The following SEMA4D variants were observed in gnomAD, a reference collection of about 807,000 sequenced individuals.
The protein encoded by SEMA4D is semaphorin-4D.
Under a neutral mutation model 74.8 loss-of-function variants are expected in SEMA4D, and 22 were observed. The observed-to-expected ratio is 0.29, with a 90% confidence interval of 0.21 to 0.42. The LOEUF is 0.42. Ranked by LOEUF, SEMA4D falls within the 10% of genes least tolerant of loss-of-function variation. SEMA4D has a pLI of 1.00. For synonymous variants in SEMA4D, 445 were observed against 463.7 expected (o/e 0.96, Z 0.52); for missense variants, 937 against 1,118.4 (o/e 0.84, Z 2.31).
intron 2 of SEMA4D, among the ~76,000 whole-genome samples, chr9:89,428,524 C>T (rs1032554156): frequency 6.6e-6 from 1 of 152,176 alleles, no homozygotes; most frequent in African/African-American, 2.4e-5. Flanking sequence ...AACTCAGAAC[C>T]ACGAGGAACC....
chr9:89,399,020 T>G (rs1472296930), intron 5 of SEMA4D, among the ~76,000 whole-genome samples: 2 of 152,224 alleles, frequency 1.3e-5, no homozygotes, highest in African/African-American at 4.8e-5. Context: ...TCTGAATACA[T>G]TCAATTCATA....
chr9:89,492,033 G>A lies in SEMA4D; in HGVS notation c.-310+5886C>T, dbSNP rs1825670981. ...TTCAGGATGCAACCCTTCCAAGCGGGCCTCCCTCAGCCCTATCTGCCCATG... is the reference window on the plus strand; with the variant it reads ...TTCAGGATGCAACCCTTCCAAGCGGACCTCCCTCAGCCCTATCTGCCCATG... On this transcript the variant is annotated intron_variant, in intron 1 of 15. Coordinates refer to ENST00000422704, the MANE Select transcript of SEMA4D (RefSeq NM_001371194.2). This position sits in a 1 kb window ranked among gnomAD's most constrained non-coding sequence, Gnocchi z 4.3. Among the ~76,000 whole-genome samples the A allele has an allele frequency of 6.6e-6, 1 of 152,194 alleles. No homozygotes were observed. The highest frequency in any genetic ancestry group is 3.4e-3 in the Middle Eastern group (1 of 294).
At chr9:89,466,599 G>T (rs1858780510) in intron 1 of SEMA4D, among the ~76,000 whole-genome samples, 1 of 151,550 alleles carries the variant, frequency 6.6e-6, no homozygotes, top group Non-Finnish European at 1.5e-5. Flanking sequence ...TGTGCACAAG[G>T]TCATGCTCCA....
chr9:89,485,817 A>G (rs1256482819), intron 1 of SEMA4D, among the ~76,000 whole-genome samples: 1 of 106,514 alleles, frequency 9.4e-6, no homozygotes, highest in Non-Finnish European at 2.5e-5. Context: ...AAAAAAAAGA[A>G]AAAAAAAAAA....
intron 2 of SEMA4D, among the ~76,000 whole-genome samples, chr9:89,437,615 T>A (rs116527249): frequency 6.6e-6 from 1 of 152,114 alleles, no homozygotes; most frequent in Non-Finnish European, 1.5e-5. Context: ...CACCTGCCCA[T>A]GTGTGCCAGC....
Position 89,405,378 on chromosome 9 carries a change from T to C in SEMA4D, c.79A>G (p.Ile27Val), listed in dbSNP as rs757041346. The change falls in exon 3 of 16, where the codon ATA becomes GTA. Residue 27 changes from isoleucine to valine, a missense_variant. By Grantham distance (29) the Ile-to-Val change is conservative. Transcript: ENST00000422704. ...CTGTGCTCCCAGGTGATCCGGGGTA[T>C]GGGTGCAAATGCCATCGCTGTCCCA... ...MFGTAMAFAP[I>V]PRITWEHREV... 3.7e-6 allele frequency: 6 copies of C among 1,614,070 alleles called. No homozygotes were observed. Among genetic ancestry groups the C allele is most frequent in the Non-Finnish European group, 4.2e-6 (5 of 1,179,946 alleles).
At chr9:89,438,916 C>T (rs549862347) in intron 2 of SEMA4D, among the ~76,000 whole-genome samples, 42 of 146,778 alleles carry the variant, frequency 2.9e-4, no homozygotes, top group Middle Eastern at 7.4e-3. Context: ...CCACCCGCCT[C>T]GGCCTCCCAA....
At chr9:89,459,296 T>G (rs1856709933) in intron 1 of SEMA4D, among the ~76,000 whole-genome samples, 3 of 152,214 alleles carry the variant, frequency 2.0e-5, no homozygotes, top group Non-Finnish European at 4.4e-5. Flanking sequence ...CAGGTGATGT[T>G]GCTGTAGTTC....
chr9:89,419,167 G>A (rs1007566946), intron 2 of SEMA4D, among the ~76,000 whole-genome samples: 3 of 152,154 alleles, frequency 2.0e-5, no homozygotes, highest in Admixed American at 6.5e-5. Flanking sequence ...CAAATGAACC[G>A]CGAGGGCAGT....
intron 1 of SEMA4D, among the ~76,000 whole-genome samples, chr9:89,467,960 G>A (rs1859186283): frequency 6.6e-6 from 1 of 152,246 alleles, no homozygotes; most frequent in Non-Finnish European, 1.5e-5. Flanking sequence ...AGGGCTGGAG[G>A]TGCTTAGCCA....
chr9:89,438,462 G>C (rs118034650), intron 2 of SEMA4D, among the ~76,000 whole-genome samples: 1 of 152,346 alleles, frequency 6.6e-6, no homozygotes, highest in East Asian at 1.9e-4. Flanking sequence ...TCCTGCTCAC[G>C]ACAGAGCTGG....
chr9:89,372,589 G>A (rs967165649), downstream of SEMA4D, among the ~76,000 whole-genome samples: 37 of 151,938 alleles, frequency 2.4e-4, no homozygotes, highest in African/African-American at 9.0e-4. Flanking sequence ...TGTCCCTCCT[G>A]TGCGGCCACA....
intron 1 of SEMA4D, among the ~76,000 whole-genome samples, chr9:89,461,725 C>CA (rs1325741675): frequency 1.6e-3 from 77 of 46,974 alleles, no homozygotes; most frequent in Non-Finnish European, 2.4e-3. Flanking sequence ...TTTTTGGAGA[C>CA]AGAGTCTCGC....
rs376550363 is a variant in SEMA4D, at chr9:89,384,462, G to A, written c.1446+1905C>T. ...AGACAGAAACAGAAAGCAGAATGGC[G>A]GCTGCCCAGGGCTGGAGGAGGGGAA... On this transcript the variant is annotated intron_variant, in intron 13 of 15. Transcript: ENST00000422704. 5.3e-5 allele frequency among the ~76,000 whole-genome samples: 8 copies of A among 152,296 alleles called. No individual in the cohort carries two copies. The East Asian group carries it at 1.2e-3, about 22-fold the overall frequency.
At chr9:89,427,402 A>G (rs1235175378) in intron 2 of SEMA4D, among the ~76,000 whole-genome samples, 1 of 152,112 alleles carries the variant, frequency 6.6e-6, no homozygotes, top group African/African-American at 2.4e-5. Flanking sequence ...GTATCAGAAA[A>G]CCACAGCCCC....
chr9:89,470,882 G>A (rs915995366), intron 1 of SEMA4D, among the ~76,000 whole-genome samples: 1 of 152,208 alleles, frequency 6.6e-6, no homozygotes, highest in Non-Finnish European at 1.5e-5. Flanking sequence ...GCAGTTATAA[G>A]TGATTGGGAG....
chr9:89,364,154 T>C, intron 16 of SEMA4D: 1 of 1,042,332 alleles, frequency 9.6e-7, no homozygotes, highest in Non-Finnish European at 1.4e-6. Flanking sequence ...TCCTGTGGAC[T>C]TCCTGCTCTT....
chr9:89,491,614 C>T (rs941273331), intron 1 of SEMA4D, among the ~76,000 whole-genome samples: 2 of 151,924 alleles, frequency 1.3e-5, no homozygotes, highest in African/African-American at 4.9e-5. Flanking sequence ...GATGGCTGGT[C>T]CCACCCCACA....
chr9:89,421,247 G>T (rs891726811), intron 2 of SEMA4D, among the ~76,000 whole-genome samples: 8 of 152,252 alleles, frequency 5.3e-5, no homozygotes. Context: ...AGGTAAGGAA[G>T]TTCCGGAGGC....
Sources: allele counts gnomAD v4.1 joint callset (sites outside exome capture counted in the v4.1 genomes callset), GRCh38; gene constraint gnomAD v4.1.1; non-coding constraint Gnocchi (gnomAD v3.1); transcripts MANE v1.5; gene names NCBI Gene and HGNC (gene_info 2026-07-23, HGNC 2026-07-21).